Variants in FGF14 observed in about 807,000 individuals in gnomAD.
The protein encoded by FGF14 is fibroblast growth factor 14.
A neutral mutation model predicts 25.5 loss-of-function variants in FGF14; 5 were observed. The ratio of observed to expected loss-of-function variants is 0.20; its 90% CI spans 0.10 to 0.41. FGF14 has a LOEUF of 0.41. FGF14 is among the 10% of genes least tolerant of loss of function. FGF14 has a pLI of 1.00. For synonymous variants in FGF14, 138 were observed against 118.3 expected, an observed-to-expected ratio of 1.17 and a Z score of -1.08; for missense variants, 222 against 320.1, an observed-to-expected ratio of 0.69 and a Z score of 2.34.
intron 1 of FGF14, among the ~76,000 whole-genome samples, chr13:102,055,428 T>G (rs758488309): frequency 6.6e-6 from 1 of 152,252 alleles, no homozygotes; most frequent in Admixed American, 6.5e-5. Context: ...TCTCCAAACA[T>G]AAGTCAGTGG....
chr13:102,183,946 A>G (rs9805437), intron 1 of FGF14, among the ~76,000 whole-genome samples: 14,664 of 152,232 alleles, frequency 0.096, 1,141 homozygotes, highest in African/African-American at 0.21. Flanking sequence ...CAGTTGGCTC[A>G]TCATACAGGG....
chr13:102,348,165 T>C (rs1043689334), intron 1 of FGF14, among the ~76,000 whole-genome samples: 4 of 152,192 alleles, frequency 2.6e-5, no homozygotes, highest in African/African-American at 7.2e-5. Flanking sequence ...AAGAAATCAG[T>C]TACAGCTCAG....
intron 1 of FGF14, among the ~76,000 whole-genome samples, chr13:102,339,244 AT>A (rs2056880385): frequency 6.6e-6 from 1 of 151,940 alleles, no homozygotes; most frequent in Admixed American, 6.6e-5. Context: ...AAATAAAAAA[AT>A]GTAAAAATTA....
chr13:102,154,681 G>T (rs942066765), intron 1 of FGF14, among the ~76,000 whole-genome samples: 1 of 152,080 alleles, frequency 6.6e-6, no homozygotes, highest in Non-Finnish European at 1.5e-5. Context: ...AACCTTAAAC[G>T]TAAATGGGCT....
At chr13:101,736,062 A>G (rs1215698805) in intron 3 of FGF14, among the ~76,000 whole-genome samples, 4 of 152,226 alleles carry the variant, frequency 2.6e-5, no homozygotes, top group African/African-American at 4.8e-5. Context: ...CAGGCATCAA[A>G]GTAGAGATTA....
chr13:102,171,358 T>C (rs915283599), intron 1 of FGF14, among the ~76,000 whole-genome samples: 2 of 152,174 alleles, frequency 1.3e-5, no homozygotes, highest in Non-Finnish European at 2.9e-5. Context: ...CATAATAATG[T>C]CTTCAAAAAA....
chr13:102,060,501 G>A lies in FGF14; in HGVS notation c.209-185205C>T, dbSNP rs186011673. ...AGATCGCGCCACTGCACTTCAGCCTGGGCAATAGAGCGAGACTCTGTCTCA... is the reference window on the plus strand; with the variant it reads ...AGATCGCGCCACTGCACTTCAGCCTAGGCAATAGAGCGAGACTCTGTCTCA... On this transcript the variant is annotated intron_variant, in intron 1 of 4. Coordinates refer to the FGF14 transcript ENST00000376131. Among the ~76,000 whole-genome samples, 8 of 152,304 alleles carry A rather than the reference G, an allele frequency of 5.3e-5. No individual in the cohort carries two copies. In the East Asian group the frequency reaches 1.5e-3, roughly 29 times the overall value.
At chr13:101,961,608 T>G (rs538541663) in intron 1 of FGF14, among the ~76,000 whole-genome samples, 101 of 152,252 alleles carry the variant, frequency 6.6e-4, no homozygotes, top group African/African-American at 2.3e-3. Context: ...TACCCATATG[T>G]TATGGGAGCA....
At chr13:101,856,182 C>A (rs536950969) in intron 3 of FGF14, among the ~76,000 whole-genome samples, 1 of 151,782 alleles carries the variant, frequency 6.6e-6, no homozygotes, top group Non-Finnish European at 1.5e-5. Context: ...GAGTTTATTT[C>A]TCCATGGACA....
intron 1 of FGF14, among the ~76,000 whole-genome samples, chr13:102,024,200 A>G (rs532243782): frequency 6.6e-5 from 10 of 152,208 alleles, no homozygotes; most frequent in African/African-American, 1.9e-4. Context: ...AAAGAACTGT[A>G]TGTGTTTTCC....
chr13:101,725,259 A>G (rs1053669246), intron 4 of FGF14, among the ~76,000 whole-genome samples: 19 of 152,098 alleles, frequency 1.2e-4, no homozygotes, highest in African/African-American at 3.9e-4. Flanking sequence ...TAAAACAATG[A>G]AAGTGTATCA....
intron 1 of FGF14, among the ~76,000 whole-genome samples, chr13:102,158,720 A>G (rs1280382510): frequency 6.6e-6 from 1 of 151,356 alleles, no homozygotes; most frequent in Admixed American, 6.6e-5. Flanking sequence ...TGAAAATTCT[A>G]AAATTAGATC....
At chr13:102,342,710 A>G (rs1386431587) in intron 1 of FGF14, among the ~76,000 whole-genome samples, 1 of 152,170 alleles carries the variant, frequency 6.6e-6, no homozygotes, top group Non-Finnish European at 1.5e-5. Flanking sequence ...ACAGGAGTCT[A>G]GCTAAAAAAT....
intron 1 of FGF14, among the ~76,000 whole-genome samples, chr13:102,289,248 A>G (rs1566904872): frequency 6.6e-6 from 1 of 152,146 alleles, no homozygotes; most frequent in Non-Finnish European, 1.5e-5. Flanking sequence ...CCATCACTAT[A>G]TTTCTAGATC....
At chr13:102,330,796 C>G (rs1369297120) in intron 1 of FGF14, among the ~76,000 whole-genome samples, 1 of 152,148 alleles carries the variant, frequency 6.6e-6, no homozygotes, top group African/African-American at 2.4e-5. Flanking sequence ...TACCATGTGA[C>G]GTTCCATGCA....
intron 1 of FGF14, among the ~76,000 whole-genome samples, chr13:102,352,252 C>CAA (rs2057303255): frequency 7.6e-6 from 1 of 131,552 alleles, no homozygotes; most frequent in Non-Finnish European, 1.6e-5. Context: ...TACACACACA[C>CAA]ACACACACAC....
At chr13:102,056,178 C>A (rs888405077) in intron 1 of FGF14, among the ~76,000 whole-genome samples, 1 of 152,176 alleles carries the variant, frequency 6.6e-6, no homozygotes, top group Admixed American at 6.5e-5. Flanking sequence ...TTTTGCACTA[C>A]AATGACAGAG....
At chr13:101,930,596 T>C (rs1413660939) in intron 1 of FGF14, among the ~76,000 whole-genome samples, 1 of 152,232 alleles carries the variant, frequency 6.6e-6, no homozygotes, top group Non-Finnish European at 1.5e-5. Flanking sequence ...CAACTTTCCT[T>C]GGCTACTTGG....
intron 1 of FGF14, among the ~76,000 whole-genome samples, chr13:101,914,387 G>A (rs1467719707): frequency 6.6e-6 from 1 of 151,520 alleles, no homozygotes; most frequent in Non-Finnish European, 1.5e-5. Context: ...TTTTATATAA[G>A]AAATATAAGA....
Sources: allele counts gnomAD v4.1 joint callset (sites outside exome capture counted in the v4.1 genomes callset), GRCh38; gene constraint gnomAD v4.1.1; transcripts MANE v1.5; gene names NCBI Gene and HGNC (gene_info 2026-07-23, HGNC 2026-07-21).